The following NOL4 variants were observed in gnomAD, a reference collection of about 807,000 sequenced individuals.
NOL4 encodes the protein nucleolar protein 4, also known as cancer/testis antigen 125.
NOL4 carries 17 observed loss-of-function variants against 75.9 expected under a neutral mutation model. That is an observed-to-expected ratio of 0.22 (90% confidence interval 0.15 to 0.34). The LOEUF (loss-of-function observed/expected upper bound fraction) is 0.34, where lower values mean the gene tolerates loss of function less well. NOL4 is among the 10% of genes least tolerant of loss of function. The probability of loss-of-function intolerance (pLI) is 1.00; values close to 1 mark genes in which losing one functional copy is unlikely to be tolerated. For missense variants in NOL4, 614 were observed against 793.5 expected (o/e 0.77, Z 2.72); for synonymous variants, 292 against 289.9 (o/e 1.01, Z -0.07).
At chr18:34,222,114 G>A (rs1214893732) in intron 1 of NOL4, 4 of 1,534,342 alleles carry the variant, frequency 2.6e-6, no homozygotes, top group Admixed American at 3.9e-5. Flanking sequence ...CGACGCTGCT[G>A]CGGCTCCCCA....
chr18:34,165,316 A>G (rs2032192564), intron 1 of NOL4, among the ~76,000 whole-genome samples: 1 of 152,172 alleles, frequency 6.6e-6, no homozygotes, highest in African/African-American at 2.4e-5. Flanking sequence ...TTAGTATCTC[A>G]CAGCAGATGG....
chr18:33,870,848 T>A (rs1482910545), intron 10 of NOL4, among the ~76,000 whole-genome samples: 1 of 152,050 alleles, frequency 6.6e-6, no homozygotes, highest in Non-Finnish European at 1.5e-5. Flanking sequence ...CACAAGAGGA[T>A]TATATTTCCT....
intron 5 of NOL4, among the ~76,000 whole-genome samples, chr18:34,083,983 C>T (rs2078128267): frequency 6.6e-6 from 1 of 152,166 alleles, no homozygotes; most frequent in African/African-American, 2.4e-5. Context: ...TCCCTCTTGC[C>T]CCTGGAGGTA....
intron 5 of NOL4, among the ~76,000 whole-genome samples, chr18:34,063,254 C>T (rs893868667): frequency 6.6e-6 from 1 of 152,040 alleles, no homozygotes; most frequent in African/African-American, 2.4e-5. Flanking sequence ...CTGAAATCAG[C>T]AGCAGCAATG....
intron 6 of NOL4, among the ~76,000 whole-genome samples, chr18:33,964,018 G>A (rs1483634426): frequency 1.3e-5 from 2 of 152,106 alleles, no homozygotes; most frequent in African/African-American, 4.8e-5. Context: ...TGAATTCAGT[G>A]CCAGGTGTCT....
In NOL4 at chr18:34,105,180, A is replaced by G; in HGVS notation, c.415-20T>C. 1.4e-6 allele frequency: 2 copies of G among 1,462,884 alleles called. No homozygotes were observed. The highest frequency in any genetic ancestry group is 1.9e-6 in the Non-Finnish European group (2 of 1,043,090). The allele number at this position is 1,462,884 out of a possible 1,614,324, so 90.6% of individuals were successfully genotyped here. A position where few individuals can be genotyped will look rare whatever the true frequency, so the allele number is the denominator to read the frequency against. ...TGAAATCTGAAATGATTCACAAAAT[A>G]CAGGTGTTATTATATAAGCTCACTG... is the stretch of plus-strand genomic sequence containing the variant. On this transcript the variant is annotated intron_variant, in intron 2 of 10. Coordinates refer to ENST00000261592, the MANE Select transcript of NOL4 (RefSeq NM_003787.5).
At chr18:34,088,127 A>AAAAC (rs1210386955) in intron 5 of NOL4, among the ~76,000 whole-genome samples, 2 of 152,010 alleles carry the variant, frequency 1.3e-5, no homozygotes, top group African/African-American at 4.8e-5. Flanking sequence ...AAATATCAAT[A>AAAAC]GTTTACATTA....
chr18:34,069,769 T>G (rs879923750), intron 5 of NOL4, among the ~76,000 whole-genome samples: 2 of 152,210 alleles, frequency 1.3e-5, no homozygotes, highest in Non-Finnish European at 2.9e-5. Context: ...GTCAGACTTG[T>G]ATGAAGTCAG....
intron 10 of NOL4, among the ~76,000 whole-genome samples, chr18:33,856,034 A>C (rs2062823225): frequency 6.6e-6 from 1 of 152,040 alleles, no homozygotes. Context: ...TTTATTTATC[A>C]AAAATTAGAC....
At chr18:34,108,873 C>T (rs2079446222) in intron 2 of NOL4, among the ~76,000 whole-genome samples, 1 of 151,892 alleles carries the variant, frequency 6.6e-6, no homozygotes, top group South Asian at 2.1e-4. Flanking sequence ...AACTTATCAC[C>T]CAACAGCAGC....
chr18:33,893,841 T>C (rs1346018113), intron 9 of NOL4, among the ~76,000 whole-genome samples: 1 of 152,096 alleles, frequency 6.6e-6, no homozygotes, highest in African/African-American at 2.4e-5. Context: ...AGGGTATTAG[T>C]GATCCACTGT....
chr18:34,021,746 C>T (rs1385719326), intron 5 of NOL4, among the ~76,000 whole-genome samples: 1 of 151,984 alleles, frequency 6.6e-6, no homozygotes, highest in African/African-American at 2.4e-5. Context: ...TTAGAAAAAT[C>T]GTGAGAATAG....
chr18:33,876,770 C>A (rs1367381707), intron 10 of NOL4, among the ~76,000 whole-genome samples: 1 of 151,998 alleles, frequency 6.6e-6, no homozygotes, highest in Non-Finnish European at 1.5e-5. Flanking sequence ...AGCTGCCTTT[C>A]TGTGATTAAA....
At chr18:34,077,753 A>G (rs2077816150) in intron 5 of NOL4, among the ~76,000 whole-genome samples, 1 of 152,186 alleles carries the variant, frequency 6.6e-6, no homozygotes, top group African/African-American at 2.4e-5. Context: ...AAATATATTG[A>G]CAGAAATTTG....
At chr18:34,172,673 C>T (rs944666130) in intron 1 of NOL4, among the ~76,000 whole-genome samples, 3 of 152,046 alleles carry the variant, frequency 2.0e-5, no homozygotes, top group African/African-American at 7.2e-5. Context: ...TTCTCCATAT[C>T]AACACTTGTT....
intron 5 of NOL4, among the ~76,000 whole-genome samples, chr18:34,061,091 C>G (rs1568290435): frequency 6.6e-6 from 1 of 151,978 alleles, no homozygotes; most frequent in Non-Finnish European, 1.5e-5. Flanking sequence ...GAAAAAGAAA[C>G]CCCAAGGTTT....
intron 2 of NOL4, among the ~76,000 whole-genome samples, chr18:34,123,729 T>A (rs1458192440): frequency 6.7e-6 from 1 of 149,768 alleles, no homozygotes; most frequent in African/African-American, 2.4e-5. Flanking sequence ...GATACATATA[T>A]GTCTATATAG....
intron 5 of NOL4, among the ~76,000 whole-genome samples, chr18:34,089,997 T>C (rs1264983302): frequency 3.9e-5 from 6 of 152,054 alleles, no homozygotes; most frequent in Admixed American, 3.9e-4. Context: ...AGAAAGGTAA[T>C]GTTAGACAAA....
At position 34,019,382 on chromosome 18, in the gene NOL4, T is replaced by C; in HGVS notation, c.992A>G (p.Lys331Arg). The part of the protein sequence containing the change: ...IDDHNSNGKN[K>R]YKNLLISDLK... ...GTCAGAAATTAGAAGATTCTTATAC[T>C]TGTTTTTCCCATTACTGTTGTGATC... Residue 331 changes from lysine (K) to arginine (R), a missense_variant, in exon 6 of 11, where the codon AAG (lysine) becomes AGG (arginine). Physicochemically the swap from Lys to Arg is conservative, Grantham distance 26. Transcript: ENST00000261592. The C allele has an allele frequency of 6.2e-7, 1 of 1,614,072 alleles. No individual in the cohort carries two copies.
Sources: gnomAD v4.1 joint callset for allele counts (sites outside exome capture counted in the v4.1 genomes callset) on GRCh38, gnomAD v4.1.1 for gene constraint, MANE v1.5 for transcripts, NCBI Gene and HGNC (gene_info 2026-07-23, HGNC 2026-07-21) for gene names.